CRPPA: variants seen among roughly 807,000 people sequenced by gnomAD.
CRPPA encodes the protein D-ribitol-5-phosphate cytidylyltransferase.
CRPPA carries 43 observed loss-of-function variants against 52.0 expected under a neutral mutation model. The observed-to-expected ratio is 0.83, with a 90% CI of 0.65 to 1.07. The LOEUF is 1.07. Among genes scored for constraint, CRPPA ranks in the 50% least tolerant of loss-of-function variants. The pLI, the probability that CRPPA is intolerant of heterozygous loss-of-function variation, is 0.00. For synonymous variants in CRPPA, 250 were observed against 203.5 expected (o/e 1.23, Z -1.94); for missense variants, 629 against 551.7 (o/e 1.14, Z -1.40).
chr7:16,325,872 A>G (rs1241659798), intron 3 of CRPPA, among the ~76,000 whole-genome samples: 1 of 152,132 alleles, frequency 6.6e-6, no homozygotes, highest in Non-Finnish European at 1.5e-5. Flanking sequence ...CAGGAATGAT[A>G]TTTATTCACT....
chr7:16,106,557 CT>C (rs1031708056), intron 9 of CRPPA, among the ~76,000 whole-genome samples: 3 of 152,234 alleles, frequency 2.0e-5, no homozygotes, highest in Non-Finnish European at 4.4e-5. Flanking sequence ...AACTGGAGAA[CT>C]CACAACAAGT....
chr7:16,359,192 G>C (rs991887489), intron 3 of CRPPA, among the ~76,000 whole-genome samples: 1 of 152,184 alleles, frequency 6.6e-6, no homozygotes, highest in Non-Finnish European at 1.5e-5. Flanking sequence ...TGCAATCATA[G>C]CTCACTGTAA....
chr7:16,247,531 A>T (rs1400882938), intron 8 of CRPPA, among the ~76,000 whole-genome samples: 2 of 152,208 alleles, frequency 1.3e-5, no homozygotes, highest in Non-Finnish European at 2.9e-5. Context: ...ATAGTAATAT[A>T]AGAGATCACT....
At chr7:16,160,339 T>C (rs1409904236) in intron 9 of CRPPA, among the ~76,000 whole-genome samples, 1 of 152,182 alleles carries the variant, frequency 6.6e-6, no homozygotes, top group East Asian at 1.9e-4. Context: ...TCAGTTAACT[T>C]TTGAATAAGG....
chr7:16,332,050 A>T (rs1240655222), intron 3 of CRPPA, among the ~76,000 whole-genome samples: 3 of 152,206 alleles, frequency 2.0e-5, no homozygotes, highest in Admixed American at 2.0e-4. Context: ...CTCAAACTAC[A>T]GAAAATCAGA....
intron 3 of CRPPA, among the ~76,000 whole-genome samples, chr7:16,358,773 T>G (rs1316963519): frequency 6.6e-6 from 1 of 152,178 alleles, no homozygotes; most frequent in Non-Finnish European, 1.5e-5. Context: ...TTTCTACTAG[T>G]TCTAAAAAAT....
intron 9 of CRPPA, among the ~76,000 whole-genome samples, chr7:16,099,639 C>A (rs145192932): frequency 2.0e-5 from 3 of 152,072 alleles, no homozygotes; most frequent in Non-Finnish European, 4.4e-5. Flanking sequence ...GTGCTCAGAG[C>A]CAGATTGCAG....
intron 9 of CRPPA, among the ~76,000 whole-genome samples, chr7:16,114,885 G>A (rs894075478): frequency 5.3e-5 from 8 of 151,930 alleles, no homozygotes; most frequent in Non-Finnish European, 1.0e-4. Context: ...ATTAATAAGA[G>A]AGAACTTAAT....
intron 5 of CRPPA, among the ~76,000 whole-genome samples, chr7:16,283,833 C>A (rs559292149): frequency 1.7e-3 from 264 of 151,978 alleles, no homozygotes; most frequent in Non-Finnish European, 2.9e-3. Flanking sequence ...CAATCTCTAA[C>A]ATTTATAAAG....
intron 2 of CRPPA, among the ~76,000 whole-genome samples, chr7:16,381,438 G>T (rs1421409780): frequency 6.6e-6 from 1 of 151,968 alleles, no homozygotes; most frequent in Non-Finnish European, 1.5e-5. Context: ...GAATAGGTTT[G>T]GTGTGGTGCT....
rs1782500849 is a variant in CRPPA at position 16,122,626 on chromosome 7, T to C, written c.1252-30827A>G. ...TCAGATTTGTTTTGTTTTAATGTCT[T>C]ACTTGGAAATAAGTCATCATGGCAG... On this transcript the variant is annotated intron_variant, in intron 9 of 9. Transcript: ENST00000407010. 2.0e-5 allele frequency among the ~76,000 whole-genome samples: 3 copies of C among 152,092 alleles called. No homozygotes were observed. The South Asian group carries it at 6.2e-4, about 31-fold the overall frequency.
chr7:16,217,351 C>A (rs1370460109), intron 8 of CRPPA, among the ~76,000 whole-genome samples: 2 of 152,042 alleles, frequency 1.3e-5, no homozygotes, highest in Non-Finnish European at 2.9e-5. Context: ...AAAGACAGAA[C>A]AGAAAAACTG....
intron 9 of CRPPA, among the ~76,000 whole-genome samples, chr7:16,138,153 G>A (rs1024520743): frequency 3.9e-5 from 6 of 152,052 alleles, no homozygotes; most frequent in Admixed American, 6.6e-5. Context: ...TTCTCCATCC[G>A]AAGGCTTTAT....
chr7:16,386,865 TA>T (rs1167423719), intron 2 of CRPPA, among the ~76,000 whole-genome samples: 1 of 151,376 alleles, frequency 6.6e-6, no homozygotes, highest in Admixed American at 6.6e-5. Context: ...ACTAAAAATA[TA>T]AAAATTAGCA....
Position 16,087,955 on chromosome 7 carries a change from A to G in CRPPA, c.*3740T>C, listed in dbSNP as rs964339121. 2.0e-5 allele frequency: 3 copies of G among 152,186 alleles called. No individual in the cohort carries two copies. Among genetic ancestry groups the G allele is most frequent in the African/African-American group, 7.2e-5 (3 of 41,458 alleles). The allele number at this position is 152,186 out of a possible 1,614,324, so 9.4% of individuals were successfully genotyped here. A position where few individuals can be genotyped will look rare whatever the true frequency, so the allele number is the denominator to read the frequency against. On this transcript the variant is annotated 3_prime_UTR_variant, in exon 10 of 10. Coordinates refer to ENST00000407010, the MANE Select transcript of CRPPA (RefSeq NM_001101426.4). ...TATAAGATGATCACTGTATTTACAT[A>G]AAGTTGAGTTATAAGTTAGGGAAGA...
intron 9 of CRPPA, among the ~76,000 whole-genome samples, chr7:16,097,718 T>C (rs1006949268): frequency 1.3e-5 from 2 of 152,150 alleles, no homozygotes; most frequent in Non-Finnish European, 1.5e-5. Flanking sequence ...TCCTAAGCCT[T>C]TGGCAAACTT....
At chr7:16,389,911 T>TCCAAAAAAAAAAAAA (rs1562673584) in intron 2 of CRPPA, among the ~76,000 whole-genome samples, 1 of 3,148 alleles carries the variant, frequency 3.2e-4, no homozygotes, top group African/African-American at 2.5e-3. Context: ...AAGCCTAGTA[T>TCCAAAAAAAAAAAAA]ACAAAAAAAA....
intron 9 of CRPPA, among the ~76,000 whole-genome samples, chr7:16,155,207 G>C (rs1437879594): frequency 6.6e-6 from 1 of 152,018 alleles, no homozygotes; most frequent in Non-Finnish European, 1.5e-5. Context: ...ACAGCTGTGG[G>C]CCAGCTATCA....
intron 9 of CRPPA, among the ~76,000 whole-genome samples, chr7:16,189,276 C>A (rs1308854718): frequency 6.6e-6 from 1 of 152,158 alleles, no homozygotes; most frequent in Non-Finnish European, 1.5e-5. Context: ...ATTACTGCAA[C>A]TCTAGCAGTC....
Sources: gnomAD v4.1 joint callset for allele counts (sites outside exome capture counted in the v4.1 genomes callset) on GRCh38, gnomAD v4.1.1 for gene constraint, MANE v1.5 for transcripts, NCBI Gene and HGNC (gene_info 2026-07-23, HGNC 2026-07-21) for gene names.